Variants in TMEM131L observed in about 807,000 individuals in gnomAD.
The protein encoded by TMEM131L is transmembrane 131 like, also known as transmembrane protein 131-like.
Under a neutral mutation model 192.2 loss-of-function variants are expected in TMEM131L, and 54 were observed. The observed-to-expected ratio is 0.28, with a 90% CI of 0.23 to 0.35. The LOEUF (loss-of-function observed/expected upper bound fraction) is 0.35. Among genes scored for constraint, TMEM131L ranks in the 10% least tolerant of loss-of-function variants. The pLI, the probability that TMEM131L is intolerant of heterozygous loss-of-function variation, is 1.00. For missense variants in TMEM131L, 1,888 were observed against 1,972.9 expected (o/e 0.96, Z 0.82); for synonymous variants, 701 against 704.9 (o/e 0.99, Z 0.09).
At chr4:153,525,983 A>G (rs1735449241) in intron 3 of TMEM131L, among the ~76,000 whole-genome samples, 1 of 151,988 alleles carries the variant, frequency 6.6e-6, no homozygotes, top group Non-Finnish European at 1.5e-5. Flanking sequence ...CAGCCTCCCA[A>G]GTAGTTGGGA....
intron 29 of TMEM131L, among the ~76,000 whole-genome samples, chr4:153,624,130 T>C (rs1733656407): frequency 6.7e-6 from 1 of 150,050 alleles, no homozygotes; most frequent in Non-Finnish European, 1.5e-5. Flanking sequence ...AATTATTTAT[T>C]TTTTTTTTGA....
At chr4:153,549,021 G>C (rs1273503165) in intron 3 of TMEM131L, among the ~76,000 whole-genome samples, 1 of 152,170 alleles carries the variant, frequency 6.6e-6, no homozygotes, top group Admixed American at 6.5e-5. Context: ...CTGGAGTGCA[G>C]TGATGCTATC....
At chr4:153,629,022 TAC>T (rs1195875551) in intron 31 of TMEM131L, among the ~76,000 whole-genome samples, 1 of 152,188 alleles carries the variant, frequency 6.6e-6, no homozygotes, top group Non-Finnish European at 1.5e-5. Context: ...GATCCATTGT[TAC>T]AGTCATTTCC....
intron 3 of TMEM131L, among the ~76,000 whole-genome samples, chr4:153,493,831 A>G (rs773589306): frequency 5.9e-5 from 9 of 152,180 alleles, no homozygotes; most frequent in Non-Finnish European, 1.2e-4. Context: ...TGAAGATTAC[A>G]TAAATCTGTG....
At chr4:153,495,325 A>C (rs1342245805) in intron 3 of TMEM131L, among the ~76,000 whole-genome samples, 3 of 147,694 alleles carry the variant, frequency 2.0e-5, no homozygotes, top group Admixed American at 6.8e-5. Flanking sequence ...GTCTGAAAAC[A>C]AAAAAAAAAA....
intron 3 of TMEM131L, among the ~76,000 whole-genome samples, chr4:153,500,341 G>A (rs1329360172): frequency 1.3e-5 from 2 of 152,182 alleles, no homozygotes; most frequent in South Asian, 2.1e-4. Flanking sequence ...CCTTGGGCTC[G>A]AGTAATCCTC....
chr4:153,549,066 G>A (rs1269213257), intron 3 of TMEM131L, among the ~76,000 whole-genome samples: 2 of 152,142 alleles, frequency 1.3e-5, no homozygotes, highest in African/African-American at 4.8e-5. Flanking sequence ...CTGGGCTCAA[G>A]CAATCCTCCT....
rs113022236 is a variant in TMEM131L at position 153,587,945 on chromosome 4, A to G, written c.1552+134A>G. On this transcript the variant is annotated intron_variant, in intron 15 of 34. Transcript: ENST00000409959. ...TATTCTATAGAGAGGATGATCATTA[A>G]CAGAATGACTTAAAATTGTTAAGAA... is the stretch of plus-strand genomic sequence containing the variant. 131 of 706,654 alleles carry G rather than the reference A, an allele frequency of 1.9e-4. No individual in the cohort carries two copies. The African/African-American group carries it at 1.9e-3, about 10-fold the overall frequency. 43.8% of individuals were successfully genotyped at this position (706,654 alleles called of 1,614,324 possible).
intron 3 of TMEM131L, among the ~76,000 whole-genome samples, chr4:153,504,962 G>T (rs1213478336): frequency 6.6e-6 from 1 of 152,192 alleles, no homozygotes; most frequent in East Asian, 1.9e-4. Flanking sequence ...CAGAGGATGG[G>T]TTGGCTAGGA....
intron 29 of TMEM131L, among the ~76,000 whole-genome samples, chr4:153,624,777 G>C (rs769212354): frequency 6.6e-6 from 1 of 152,160 alleles, no homozygotes; most frequent in South Asian, 2.1e-4. Flanking sequence ...CTCATGGGCT[G>C]TTCTACATGA....
At chr4:153,583,410 A>G in intron 10 of TMEM131L, 154 bp from the exon 11 acceptor site, 1 of 754,122 alleles carries the variant, frequency 1.3e-6, no homozygotes, top group Non-Finnish European at 2.4e-6. Flanking sequence ...GTTTGTATGA[A>G]GATTGTCAGC....
chr4:153,634,728 G>A (rs1292782795), intron 33 of TMEM131L, among the ~76,000 whole-genome samples: 1 of 152,190 alleles, frequency 6.6e-6, no homozygotes, highest in African/African-American at 2.4e-5. Context: ...AAGGAAAGAA[G>A]CTTGGAGGGG....
intron 7 of TMEM131L, among the ~76,000 whole-genome samples, chr4:153,569,157 T>C (rs1561200173): frequency 6.6e-6 from 1 of 152,228 alleles, no homozygotes; most frequent in Admixed American, 6.5e-5. Context: ...CAGTAGTGTT[T>C]AGGGAAAGAG....
chr4:153,601,040 G>T (rs1731803918), intron 21 of TMEM131L, among the ~76,000 whole-genome samples: 1 of 150,892 alleles, frequency 6.6e-6, no homozygotes, highest in South Asian at 2.1e-4. Context: ...AAACTGGAAG[G>T]TAGAGTTTGC....
chr4:153,466,713 C>T (rs1308184971), intron 1 of TMEM131L, among the ~76,000 whole-genome samples, 192 bp downstream of exon 1: 1 of 152,186 alleles, frequency 6.6e-6, no homozygotes, highest in East Asian at 1.9e-4. Flanking sequence ...CTCTCTGCCC[C>T]GTACAGCTGG....
intron 3 of TMEM131L, among the ~76,000 whole-genome samples, chr4:153,549,243 A>G (rs182290609): frequency 1.3e-5 from 2 of 152,314 alleles, no homozygotes; most frequent in East Asian, 3.9e-4. Flanking sequence ...CTGGAATTAC[A>G]AGCATGAGCC....
chr4:153,621,161 C>T (rs557218432), intron 27 of TMEM131L, among the ~76,000 whole-genome samples: 20 of 152,268 alleles, frequency 1.3e-4, no homozygotes, highest in Middle Eastern at 3.4e-3. Context: ...GCCATCCCTC[C>T]GTGTGGAGAC....
At chr4:153,539,962 T>A (rs981110981) in intron 3 of TMEM131L, among the ~76,000 whole-genome samples, 1 of 151,762 alleles carries the variant, frequency 6.6e-6, no homozygotes, top group Non-Finnish European at 1.5e-5. Flanking sequence ...AATACAAAAT[T>A]AGCCGGGCAT....
chr4:153,584,706 G>A, intron 11 of TMEM131L, 129 bp from the exon 12 acceptor site: 2 of 551,486 alleles, frequency 3.6e-6, no homozygotes, highest in East Asian at 6.2e-5. Context: ...TACCTTTTAT[G>A]TCTGATTCAC....
Sources: allele counts gnomAD v4.1 joint callset (sites outside exome capture counted in the v4.1 genomes callset), GRCh38; gene constraint gnomAD v4.1.1; transcripts MANE v1.5; gene names NCBI Gene and HGNC (gene_info 2026-07-23, HGNC 2026-07-21).